UNC5A: variants seen among roughly 807,000 people sequenced by gnomAD.
UNC5A encodes netrin receptor UNC5A.
Under a neutral mutation model 87.4 loss-of-function variants are expected in UNC5A, and 20 were observed. The ratio of observed to expected loss-of-function variants is 0.23; its 90% CI spans 0.16 to 0.33. The LOEUF (loss-of-function observed/expected upper bound fraction) is 0.33, where lower values mean the gene tolerates loss of function less well. Ranked by LOEUF, UNC5A falls within the 10% of genes least tolerant of loss-of-function variation. The pLI, the probability that UNC5A is intolerant of heterozygous loss-of-function variation, is 1.00. For synonymous variants in UNC5A, 438 were observed against 482.3 expected (o/e 0.91, Z 1.20); for missense variants, 844 against 1,133.4 (o/e 0.74, Z 3.67).
intron 10 of UNC5A, 52 bp downstream of exon 10, chr5:176,877,755 G>A (rs114202839): frequency 0.072 from 111,041 of 1,537,584 alleles, 4,571 homozygotes; most frequent in Admixed American, 0.16. Flanking sequence ...CTAACTGCAC[G>A]CTCCACCCGG....
rs1438827025 is a variant in UNC5A at position 176,844,829 on chromosome 5, C to T, written c.71-17795C>T. ...CCCTCCAGCACTGCTTGCAGTGGAT[C>T]GTGGAAGTCGGTCCTCGGTGCCAGC... is the stretch of plus-strand genomic sequence containing the variant. On this transcript the variant is annotated intron_variant, in intron 1 of 14. Coordinates refer to ENST00000329542, the MANE Select transcript of UNC5A (RefSeq NM_133369.3). This position sits in a 1 kb window ranked among gnomAD's most constrained non-coding sequence, Gnocchi z 4.2. 2.6e-5 allele frequency among the ~76,000 whole-genome samples: 4 copies of T among 152,142 alleles called. No individual in the cohort carries two copies. The highest frequency in any genetic ancestry group is 3.9e-4 in the East Asian group (2 of 5,180).
In UNC5A at chr5:176,878,111, C is replaced by T. The variant is rs767224579; in HGVS notation, c.1853C>T (p.Thr618Ile). The change falls in exon 11 of 15, where the codon ACC becomes ATC. Residue 618 changes from threonine (T) to isoleucine (I), a missense_variant. This residue lies in a region of UNC5A where 353 missense variants were observed against 387.5 expected (regional missense o/e 0.91). Transcript: ENST00000329542. ...ATCCGGGTCTACTGCCTGCATGACACCCACGATGCACTCAAGGTATCTCCC... is the reference window on the plus strand; with the variant it reads ...ATCCGGGTCTACTGCCTGCATGACATCCACGATGCACTCAAGGTATCTCCC... Reference protein sequence around the residue: ...YNIRVYCLHDTHDALKEVVQL... With the variant: ...YNIRVYCLHDIHDALKEVVQL... 3.7e-6 allele frequency: 6 copies of T among 1,608,948 alleles called. 1 individual carries two copies. In the South Asian group the frequency reaches 6.6e-5, roughly 18 times the overall value.
intron 1 of UNC5A, among the ~76,000 whole-genome samples, chr5:176,839,807 CTTTTT>C (rs58515865): frequency 8.1e-6 from 1 of 123,850 alleles, no homozygotes; most frequent in Admixed American, 8.2e-5. Context: ...CGGCCACTTC[CTTTTT>C]TTTTTTTTTT....
chr5:176,845,009 G>A (rs1581257503), intron 1 of UNC5A, among the ~76,000 whole-genome samples: 1 of 152,312 alleles, frequency 6.6e-6, no homozygotes, highest in East Asian at 1.9e-4. Context: ...AGTAGGCCAA[G>A]GTTTCTCCAG....
At chr5:176,828,927 G>A (rs912723184) in intron 1 of UNC5A, among the ~76,000 whole-genome samples, 25 of 152,008 alleles carry the variant, frequency 1.6e-4, no homozygotes, top group Non-Finnish European at 2.4e-4. Context: ...TCAAGAGTTC[G>A]AGACCAGCCT....
At chr5:176,842,286 G>T (rs1335119821) in intron 1 of UNC5A, among the ~76,000 whole-genome samples, 2 of 152,234 alleles carry the variant, frequency 1.3e-5, no homozygotes, top group African/African-American at 4.8e-5. Context: ...ATGTAAACTA[G>T]TACAGCCACT....
Position 176,879,820 on chromosome 5 carries a change from T to G in UNC5A, c.2463T>G (p.Ala821=). 2 of 1,612,974 alleles carry G rather than the reference T, an allele frequency of 1.2e-6. No individual in the cohort carries two copies. Among genetic ancestry groups the G allele is most frequent in the Non-Finnish European group, 1.7e-6 (2 of 1,179,884 alleles). The change falls in exon 15 of 15, where the codon GCT becomes GCG. Residue 821 remains alanine (A), a synonymous_variant. Coordinates refer to ENST00000329542, the MANE Select transcript of UNC5A (RefSeq NM_133369.3). ...CCAACGGCAACCTCAGCCAGCTGGCTGCAGCAGTGGCTGGACTGGGCCAGC... is the reference window on the plus strand; with the variant it reads ...CCAACGGCAACCTCAGCCAGCTGGCGGCAGCAGTGGCTGGACTGGGCCAGC... ...HFPNGNLSQL[A]AAVAGLGQPD... is the part of the protein sequence containing the mutation.
Position 176,810,740 on chromosome 5 carries a change from C to T in UNC5A, c.-11C>T, listed in dbSNP as rs1480230785. On this transcript the variant is annotated 5_prime_UTR_variant, in exon 1 of 15. Transcript: ENST00000329542. This position sits in a 1 kb window ranked among gnomAD's most constrained non-coding sequence, Gnocchi z 7.3. Reference sequence around the variant, plus strand: ...CCCGCGCCCGGCCCGCCCGCCTGCCCGCCCGCGGCCATGGCCGTCCGGCCC... The same window carrying T: ...CCCGCGCCCGGCCCGCCCGCCTGCCTGCCCGCGGCCATGGCCGTCCGGCCC... 6 of 1,144,686 alleles carry T rather than the reference C, an allele frequency of 5.2e-6. No individual in the cohort carries two copies. Among genetic ancestry groups the T allele is most frequent in the Non-Finnish European group, 5.4e-6 (5 of 932,020 alleles). The allele number at this position is 1,144,686 out of a possible 1,614,324, so 70.9% of individuals were successfully genotyped here.
intron 1 of UNC5A, among the ~76,000 whole-genome samples, chr5:176,827,179 CTTT>C (rs35306601): frequency 4.6e-5 from 5 of 107,578 alleles, no homozygotes; most frequent in Non-Finnish European, 5.1e-5. Flanking sequence ...TGCTTCATTC[CTTT>C]TTTTTTTTTT....
chr5:176,827,774 G>A (rs1463801845), intron 1 of UNC5A, among the ~76,000 whole-genome samples: 1 of 152,184 alleles, frequency 6.6e-6, no homozygotes, highest in Admixed American at 6.5e-5. Flanking sequence ...TAGCAATAAC[G>A]AGGGTTCCAG....
intron 9 of UNC5A, 72 bp downstream of exon 9, chr5:176,877,351 T>A (rs1239803133): frequency 6.9e-7 from 1 of 1,446,898 alleles, no homozygotes; most frequent in African/African-American, 1.4e-5. Context: ...GGAAGCCCCC[T>A]GCCCACCCAC....
intron 1 of UNC5A, among the ~76,000 whole-genome samples, chr5:176,815,029 C>T (rs1279307850): frequency 1.3e-5 from 2 of 152,146 alleles, no homozygotes; most frequent in Admixed American, 6.5e-5. Context: ...GCCCCAGCCA[C>T]GTGTATGGAC....
rs1757978053 is a variant in UNC5A, at chr5:176,866,467, T to C, written c.293-1663T>C. 6.6e-6 allele frequency among the ~76,000 whole-genome samples: 1 copy of C among 152,018 alleles called. No homozygotes were observed. On this transcript the variant is annotated intron_variant, in intron 2 of 14. Transcript: ENST00000329542. This position sits in a 1 kb window ranked among gnomAD's most constrained non-coding sequence, Gnocchi z 5.0. ...AAGAAAAGGGAGCGCTTAAAGGTAG[T>C]GCTGTTCTCCCAAGCTGAGCCGCCT...
chr5:176,874,091 A>T lies in UNC5A; in HGVS notation c.1010A>T (p.Asp337Val). ...YCRKKEGLDS[D>V]VADSSILTSG... ...CGGAAGAAGGAGGGGCTGGACTCAG[A>T]TGTGGCTGACTCGTCCATTCTCACC... The change falls in exon 7 of 15, where the codon GAT becomes GTT. Residue 337 changes from aspartate (D) to valine (V), a missense_variant. Asp to Val is a radical substitution (Grantham distance 152). Around this residue, in one of 3 missense-constraint regions of UNC5A, gnomAD observed 353 missense variants for 387.5 expected, o/e 0.91. Transcript: ENST00000329542. This position sits in a 1 kb window ranked among gnomAD's most constrained non-coding sequence, Gnocchi z 7.6. 1.9e-6 allele frequency: 3 copies of T among 1,614,012 alleles called. No individual in the cohort carries two copies. The highest frequency in any genetic ancestry group is 2.5e-6 in the Non-Finnish European group (3 of 1,179,960).
In UNC5A at chr5:176,858,788, C is replaced by CAGGCAGGG. The variant is rs1757740660; in HGVS notation, c.71-3833_71-3832insCAGGGAGG. On this transcript the variant is annotated intron_variant, in intron 1 of 14. Coordinates refer to ENST00000329542, the MANE Select transcript of UNC5A (RefSeq NM_133369.3). ...GAAGGAAGGAAGGCAAGCAAGCAGGCAGGGAGGGAGGGAGGGAAGGAAAGA... is the reference window on the plus strand; with the variant it reads ...GAAGGAAGGAAGGCAAGCAAGCAGGCAGGCAGGGAGGGAGGGAGGGAGGGAAGGAAAGA... 6.7e-5 allele frequency among the ~76,000 whole-genome samples: 4 copies of CAGGCAGGG among 59,356 alleles called. 1 individual carries two copies. Among genetic ancestry groups the CAGGCAGGG allele is most frequent in the African/African-American group, 2.5e-4 (4 of 15,948 alleles). The allele number at this position is 59,356 out of a possible 152,430, so 38.9% of individuals were successfully genotyped here.
intron 1 of UNC5A, among the ~76,000 whole-genome samples, chr5:176,830,942 CTGTG>C (rs1757006654): frequency 9.8e-6 from 1 of 102,238 alleles, no homozygotes; most frequent in Admixed American, 9.4e-5. Context: ...GTGTGCTGGC[CTGTG>C]TGTATGTGCC....
At position 176,874,051 on chromosome 5, in the gene UNC5A, A is replaced by C; in HGVS notation, c.970A>C (p.Ile324Leu). Residue 324 changes from isoleucine to leucine, a missense_variant, in exon 7 of 15, where the codon ATC becomes CTC. Ile to Leu is a conservative substitution (Grantham distance 5). Around this residue, in one of 3 missense-constraint regions of UNC5A, gnomAD observed 314 missense variants for 466.5 expected, o/e 0.67. Transcript: ENST00000329542. The surrounding 1 kb of genome is among the most constrained non-coding windows in gnomAD (Gnocchi z 7.6). The stretch of plus-strand genomic sequence containing the variant: ...CCTGGTCCTGCTGCTGCTTGTCCTC[A>C]TCCTCGTTTATTGCCGGAAGAAGGA... The part of the protein sequence containing the change: ...VCLVLLLLVL[I>L]LVYCRKKEGL... 5 of 1,613,820 alleles carry C rather than the reference A, an allele frequency of 3.1e-6. No homozygotes were observed. Among genetic ancestry groups the C allele is most frequent in the Non-Finnish European group, 4.2e-6 (5 of 1,179,924 alleles).
intron 1 of UNC5A, among the ~76,000 whole-genome samples, chr5:176,817,642 C>G (rs1302659247): frequency 4.0e-5 from 6 of 149,706 alleles, no homozygotes; most frequent in Non-Finnish European, 8.9e-5. Context: ...CAGCGCGTGT[C>G]TCTGGCTTCG....
At chr5:176,817,742 G>A (rs1007981271) in intron 1 of UNC5A, among the ~76,000 whole-genome samples, 1 of 152,032 alleles carries the variant, frequency 6.6e-6, no homozygotes, top group African/African-American at 2.4e-5. Flanking sequence ...CGTGGAGCGC[G>A]GGTGCCCGAG....
Sources: gnomAD v4.1 joint callset for allele counts (sites outside exome capture counted in the v4.1 genomes callset) on GRCh38, gnomAD v4.1.1 for gene constraint, gnomAD v4.1.1 regional missense constraint, Gnocchi (gnomAD v3.1) non-coding constraint, MANE v1.5 for transcripts, NCBI Gene and HGNC (gene_info 2026-07-23, HGNC 2026-07-21) for gene names.